The following HSPA12A variants were observed in gnomAD, a reference collection of about 807,000 sequenced individuals.
The protein encoded by HSPA12A is heat shock 70 kDa protein 12A.
Under a neutral mutation model 69.2 loss-of-function variants are expected in HSPA12A, and 28 were observed. The observed-to-expected ratio is 0.40, with a 90% CI of 0.30 to 0.55. The LOEUF is 0.55. HSPA12A is among the 20% of genes least tolerant of loss of function. The pLI is 0.38. For synonymous variants in HSPA12A, 345 were observed against 370.5 expected (o/e 0.93, Z 0.79); for missense variants, 686 against 900.7 (o/e 0.76, Z 3.05).
At chr10:116,846,786 G>T (rs912719720) in intron 1 of HSPA12A, among the ~76,000 whole-genome samples, 1 of 152,176 alleles carries the variant, frequency 6.6e-6, no homozygotes, top group South Asian at 2.1e-4. Context: ...ACATGCTGAT[G>T]TATATCTTTT....
chr10:116,792,613 C>CAAAAAAAAAAAAAAAAA (rs56344323), intron 2 of HSPA12A, among the ~76,000 whole-genome samples: 2 of 107,984 alleles, frequency 1.9e-5, no homozygotes, highest in East Asian at 2.9e-4. Context: ...CTTGCATCTA[C>CAAAAAAAAAAAAAAAAA]AAAAAAAAAA....
chr10:116,734,767 G>A (rs1432919697), intron 1 of HSPA12A, among the ~76,000 whole-genome samples: 1 of 151,932 alleles, frequency 6.6e-6, no homozygotes, highest in African/African-American at 2.4e-5. Flanking sequence ...GCCGAGGAGG[G>A]CAGATCACAA....
chr10:116,701,715 GT>G (rs1850082124), intron 3 of HSPA12A, among the ~76,000 whole-genome samples: 4 of 152,052 alleles, frequency 2.6e-5, no homozygotes, highest in Admixed American at 2.6e-4. Flanking sequence ...CGGGGCATTC[GT>G]GGAGAATGTG....
At chr10:116,813,621 G>A (rs188302856) in intron 2 of HSPA12A, among the ~76,000 whole-genome samples, 29 of 151,374 alleles carry the variant, frequency 1.9e-4, no homozygotes, top group Non-Finnish European at 2.9e-4. Flanking sequence ...GCTCACATCT[G>A]TAATCCCAAC....
chr10:116,727,076 C>T (rs1850988127), intron 1 of HSPA12A, among the ~76,000 whole-genome samples: 1 of 152,282 alleles, frequency 6.6e-6, no homozygotes, highest in East Asian at 1.9e-4. Context: ...TTTATTAAAC[C>T]TATCATCTGC....
intron 2 of HSPA12A, among the ~76,000 whole-genome samples, chr10:116,801,186 A>T (rs1844948160): frequency 6.6e-6 from 1 of 152,264 alleles, no homozygotes; most frequent in Admixed American, 6.5e-5. Flanking sequence ...AAACATGTGC[A>T]TAATGGCTGG....
intron 1 of HSPA12A, among the ~76,000 whole-genome samples, chr10:116,720,079 A>G (rs187526117): frequency 6.6e-6 from 1 of 152,344 alleles, no homozygotes; most frequent in East Asian, 1.9e-4. Context: ...AATCTTGTGA[A>G]TACTATAAAC....
At chr10:116,823,372 C>A (rs545312666) in intron 2 of HSPA12A, among the ~76,000 whole-genome samples, 2 of 152,210 alleles carry the variant, frequency 1.3e-5, no homozygotes, top group East Asian at 1.9e-4. Flanking sequence ...CAATGCCCCC[C>A]CAAATGATCT....
chr10:116,736,712 T>C (rs1383617654), intron 1 of HSPA12A, among the ~76,000 whole-genome samples: 1 of 152,116 alleles, frequency 6.6e-6, no homozygotes, highest in Non-Finnish European at 1.5e-5. Context: ...CTCGAGAAGT[T>C]TGAAAAGGCA....
At chr10:116,690,030 T>C (rs984975973) in intron 6 of HSPA12A, among the ~76,000 whole-genome samples, 2 of 152,214 alleles carry the variant, frequency 1.3e-5, no homozygotes, top group Non-Finnish European at 2.9e-5. Flanking sequence ...TCCTGTGGCC[T>C]AGTCAAGTTG....
At chr10:116,712,918 A>G (rs1485104898) in intron 1 of HSPA12A, among the ~76,000 whole-genome samples, 2 of 147,394 alleles carry the variant, frequency 1.4e-5, no homozygotes, top group Non-Finnish European at 3.0e-5. Flanking sequence ...TATCCATCAA[A>G]TAAATGCCCA....
intron 2 of HSPA12A, among the ~76,000 whole-genome samples, chr10:116,777,041 G>A (rs1844353314): frequency 6.6e-6 from 1 of 152,238 alleles, no homozygotes; most frequent in Non-Finnish European, 1.5e-5. Context: ...GCTCCTGGGT[G>A]GACCATGGCT....
At chr10:116,730,018 A>C (rs1851102676) in intron 1 of HSPA12A, among the ~76,000 whole-genome samples, 1 of 152,132 alleles carries the variant, frequency 6.6e-6, no homozygotes, top group Non-Finnish European at 1.5e-5. Flanking sequence ...CCTCATCTCT[A>C]CTAAATATAC....
upstream of HSPA12A, among the ~76,000 whole-genome samples, chr10:116,850,577 A>G (rs965572018): frequency 6.6e-6 from 1 of 152,016 alleles, no homozygotes; most frequent in Non-Finnish European, 1.5e-5. Context: ...CAAGGAGGCA[A>G]TGTGAACACC....
At chr10:116,786,767 G>A (rs1206210035) in intron 2 of HSPA12A, among the ~76,000 whole-genome samples, 1 of 152,116 alleles carries the variant, frequency 6.6e-6, no homozygotes, top group African/African-American at 2.4e-5. Flanking sequence ...AGCCTCCTGA[G>A]TAGCTGGGAT....
intron 1 of HSPA12A, among the ~76,000 whole-genome samples, chr10:116,727,939 G>A (rs1285510176): frequency 6.6e-6 from 1 of 151,162 alleles, no homozygotes; most frequent in Non-Finnish European, 1.5e-5. Flanking sequence ...TTTGGGGGGG[G>A]GACAGAGTCT....
chr10:116,716,537 G>A (rs1277746804), intron 1 of HSPA12A, among the ~76,000 whole-genome samples: 1 of 152,200 alleles, frequency 6.6e-6, no homozygotes, highest in African/African-American at 2.4e-5. Context: ...TCAGGCCCCA[G>A]GTTGGCCTTA....
At chr10:116,788,840 T>A (rs1363529171) in intron 2 of HSPA12A, among the ~76,000 whole-genome samples, 1 of 151,598 alleles carries the variant, frequency 6.6e-6, no homozygotes, top group East Asian at 1.9e-4. Flanking sequence ...TTATGATATA[T>A]CCATCTGGTA....
chr10:116,740,487 T>C (rs371824581), intron 1 of HSPA12A, among the ~76,000 whole-genome samples: 4 of 152,306 alleles, frequency 2.6e-5, no homozygotes, highest in South Asian at 2.1e-4. Flanking sequence ...CCTAAGTCCA[T>C]GCACCTGGAA....
Sources: gnomAD v4.1 joint callset for allele counts (sites outside exome capture counted in the v4.1 genomes callset) on GRCh38, gnomAD v4.1.1 for gene constraint, MANE v1.5 for transcripts, NCBI Gene and HGNC (gene_info 2026-07-23, HGNC 2026-07-21) for gene names.